Variants in FAM163A observed in about 807,000 individuals in gnomAD.
FAM163A encodes family with sequence similarity 163 member A.
In FAM163A, 7 loss-of-function variants were observed where a neutral mutation model predicts 12.0. The observed-to-expected ratio is 0.58, with a 90% CI of 0.33 to 1.10. The LOEUF (loss-of-function observed/expected upper bound fraction) is 1.10. FAM163A is among the 50% of genes least tolerant of loss of function. The pLI is 0.03. For synonymous variants in FAM163A, 101 were observed against 91.0 expected, an observed-to-expected ratio of 1.11 and a Z score of -0.62; for missense variants, 202 against 218.6, an observed-to-expected ratio of 0.92 and a Z score of 0.48.
the FAM163A span, among the ~76,000 whole-genome samples, chr1:179,728,407 G>A: frequency 2.6e-5 from 4 of 152,144 alleles, no homozygotes. Context: ...GGCAGGATGC[G>A]GTGAGATGAC....
At chr1:179,805,370 T>C (rs1693784159) in intron 1 of FAM163A, among the ~76,000 whole-genome samples, 1 of 152,018 alleles carries the variant, frequency 6.6e-6, no homozygotes, top group African/African-American at 2.4e-5. Context: ...ATACAAAAAT[T>C]AGCCGGGGGT....
At chr1:179,786,640 A>G (rs1161742129) in intron 1 of FAM163A, among the ~76,000 whole-genome samples, 1 of 152,234 alleles carries the variant, frequency 6.6e-6, no homozygotes, top group Non-Finnish European at 1.5e-5. Flanking sequence ...ACAACCCAGT[A>G]AGGAAGACAC....
intron 1 of FAM163A, among the ~76,000 whole-genome samples, chr1:179,800,009 G>A (rs555676710): frequency 6.6e-6 from 1 of 152,330 alleles, no homozygotes; most frequent in Non-Finnish European, 1.5e-5. Context: ...GTGGGGGATG[G>A]TGGCAAGGAA....
At chr1:179,772,491 A>G (rs1342139734) in intron 1 of FAM163A, among the ~76,000 whole-genome samples, 1 of 152,232 alleles carries the variant, frequency 6.6e-6, no homozygotes, top group Non-Finnish European at 1.5e-5. Context: ...AGAAATGCAC[A>G]TTCTCAGGCC....
At chr1:179,740,830 A>G (rs1261153894), upstream of FAM163A, among the ~76,000 whole-genome samples, 1 of 152,214 alleles carries the variant, frequency 6.6e-6, no homozygotes, top group Non-Finnish European at 1.5e-5. Context: ...GACTGTGTCA[A>G]TGTCAATATC....
At chr1:179,786,346 G>A (rs944123644) in intron 1 of FAM163A, among the ~76,000 whole-genome samples, 1 of 152,172 alleles carries the variant, frequency 6.6e-6, no homozygotes, top group African/African-American at 2.4e-5. Flanking sequence ...GGTAGATTCA[G>A]AGCCAGGCAT....
chr1:179,798,995 T>C (rs1224599964), intron 1 of FAM163A, among the ~76,000 whole-genome samples: 4 of 152,146 alleles, frequency 2.6e-5, no homozygotes, highest in Non-Finnish European at 5.9e-5. Flanking sequence ...CCTCTGGCCC[T>C]CTTGTCAGCC....
chr1:179,745,893 A>G (rs1684399300), intron 1 of FAM163A, among the ~76,000 whole-genome samples: 1 of 152,142 alleles, frequency 6.6e-6, no homozygotes, highest in Non-Finnish European at 1.5e-5. Context: ...ACAGACACAC[A>G]TGTGGTAGCT....
At chr1:179,782,208 A>G (rs1354367265) in intron 1 of FAM163A, among the ~76,000 whole-genome samples, 2 of 151,974 alleles carry the variant, frequency 1.3e-5, no homozygotes, top group Non-Finnish European at 2.9e-5. Context: ...CAGCTTTGAT[A>G]GGCAGAGGCT....
At chr1:179,779,460 G>A (rs148160904) in intron 1 of FAM163A, among the ~76,000 whole-genome samples, 1 of 152,278 alleles carries the variant, frequency 6.6e-6, no homozygotes, top group African/African-American at 2.4e-5. Context: ...GACTGTGGGT[G>A]ACTCTTGGCC....
chr1:179,772,852 C>G (rs1291115950), intron 1 of FAM163A, among the ~76,000 whole-genome samples: 2 of 151,390 alleles, frequency 1.3e-5, no homozygotes, highest in African/African-American at 4.9e-5. Flanking sequence ...CCTCTTGGCT[C>G]TAGATGGCTG....
At chr1:179,739,210 GA>G (rs11352265), upstream of FAM163A, among the ~76,000 whole-genome samples, 52,759 of 146,790 alleles carry the variant, frequency 0.36, 10,226 homozygotes, top group East Asian at 0.63. Context: ...ACATGAAACA[GA>G]AAAAAAAAAA....
At chr1:179,780,030 C>T (rs773724123) in intron 1 of FAM163A, among the ~76,000 whole-genome samples, 16 of 152,206 alleles carry the variant, frequency 1.1e-4, no homozygotes, top group Non-Finnish European at 1.9e-4. Context: ...AATGCCCTGG[C>T]TGTGACCCAA....
intron 1 of FAM163A, among the ~76,000 whole-genome samples, chr1:179,770,584 AC>A (rs1688145316): frequency 6.6e-6 from 1 of 152,006 alleles, no homozygotes; most frequent in Admixed American, 6.6e-5. Flanking sequence ...TGCCCCAGCC[AC>A]CCTGAAATTC....
the FAM163A span, among the ~76,000 whole-genome samples, chr1:179,732,093 C>G: frequency 2.0e-5 from 3 of 152,204 alleles, no homozygotes; most frequent in Non-Finnish European, 4.4e-5. Flanking sequence ...TTTCCGGTAG[C>G]TAAAAACAGA....
At chr1:179,809,184 C>T (rs1571592544) in intron 2 of FAM163A, among the ~76,000 whole-genome samples, 1 of 152,134 alleles carries the variant, frequency 6.6e-6, no homozygotes, top group Admixed American at 6.5e-5. Context: ...ATCTCATACC[C>T]TGTACATGTC....
At chr1:179,795,957 T>TTTATTATTATTATTATTA (rs1557958055) in intron 1 of FAM163A, among the ~76,000 whole-genome samples, 2 of 77,820 alleles carry the variant, frequency 2.6e-5, no homozygotes, top group African/African-American at 8.1e-5. Flanking sequence ...GGAGTCTTTC[T>TTTATTATTATTATTATTA]CTATTATTAT....
At chr1:179,809,946 G>A (rs1694478077) in intron 2 of FAM163A, among the ~76,000 whole-genome samples, 1 of 152,170 alleles carries the variant, frequency 6.6e-6, no homozygotes, top group Admixed American at 6.5e-5. Flanking sequence ...AATCAAAGTG[G>A]TCTCGAACAG....
At chr1:179,764,327 G>A (rs946477925) in intron 1 of FAM163A, among the ~76,000 whole-genome samples, 12 of 152,182 alleles carry the variant, frequency 7.9e-5, no homozygotes, top group Admixed American at 4.6e-4. Context: ...CGACGAGGCA[G>A]ATAAGAATAT....
Sources: gnomAD v4.1 joint callset for allele counts (sites outside exome capture counted in the v4.1 genomes callset) on GRCh38, gnomAD v4.1.1 for gene constraint, MANE v1.5 for transcripts, NCBI Gene and HGNC (gene_info 2026-07-23, HGNC 2026-07-21) for gene names.